The following AGFG1 variants were observed in gnomAD, a reference collection of about 807,000 sequenced individuals.
AGFG1 encodes the protein arf-GAP domain and FG repeat-containing protein 1.
A neutral mutation model predicts 60.6 loss-of-function variants in AGFG1; 10 were observed. The ratio of observed to expected loss-of-function variants is 0.16; its 90% CI spans 0.10 to 0.28. The LOEUF (loss-of-function observed/expected upper bound fraction) is 0.28, where lower values mean the gene tolerates loss of function less well. Among genes scored for constraint, AGFG1 ranks in the 10% least tolerant of loss-of-function variants. The pLI is 1.00. For synonymous variants in AGFG1, 247 were observed against 242.9 expected, an observed-to-expected ratio of 1.02 and a Z score of -0.16; for missense variants, 537 against 676.5, an observed-to-expected ratio of 0.79 and a Z score of 2.29.
At chr2:227,501,460 T>A (rs1258037390) in intron 2 of AGFG1, among the ~76,000 whole-genome samples, 1 of 152,246 alleles carries the variant, frequency 6.6e-6, no homozygotes, top group African/African-American at 2.4e-5. Context: ...AACTTAAGAA[T>A]CTTAAGTGTA....
At chr2:227,535,816 C>G (rs1575106709) in intron 8 of AGFG1, among the ~76,000 whole-genome samples, 5 of 152,198 alleles carry the variant, frequency 3.3e-5, no homozygotes, top group African/African-American at 1.2e-4. Context: ...ATATATAATA[C>G]ATGATTTATT....
At chr2:227,538,822 TATAAA>T (rs1692391081) in intron 10 of AGFG1, among the ~76,000 whole-genome samples, 1 of 152,216 alleles carries the variant, frequency 6.6e-6, no homozygotes, top group Non-Finnish European at 1.5e-5. Context: ...TATAAAATAA[TATAAA>T]ATGTACAACG....
chr2:227,553,162 A>C (rs1692872159), intron 11 of AGFG1, among the ~76,000 whole-genome samples: 1 of 152,150 alleles, frequency 6.6e-6, no homozygotes, highest in Admixed American at 6.5e-5. Context: ...GAAATTCTAT[A>C]AATTTTAGTT....
rs1690112474 is a variant in AGFG1, at chr2:227,472,291, G to A, written c.-131G>A. On this transcript the variant is annotated 5_prime_UTR_variant, in exon 1 of 13. Transcript: ENST00000310078. The stretch of plus-strand genomic sequence containing the variant: ...CAGTACAGCCAAGCCGCTGCGGCCG[G>A]GTCCGGCGCGGGCGGCGCGCGCAGA... 2 of 479,136 alleles carry A rather than the reference G, an allele frequency of 4.2e-6. No homozygotes were observed. Among genetic ancestry groups the A allele is most frequent in the Non-Finnish European group, 5.4e-6 (2 of 368,822 alleles). 29.7% of individuals were successfully genotyped at this position (479,136 alleles called of 1,614,324 possible). A position where few individuals can be genotyped will look rare whatever the true frequency, so the allele number is the denominator to read the frequency against.
intron 2 of AGFG1, among the ~76,000 whole-genome samples, chr2:227,507,623 A>AAAAAAAAG (rs1691363660): frequency 6.6e-6 from 1 of 150,442 alleles, no homozygotes; most frequent in African/African-American, 2.4e-5. Context: ...AAAAAAAAAA[A>AAAAAAAAG]AAAGCGCCTT....
chr2:227,533,769 T>G lies in AGFG1; in HGVS notation c.1024+11T>G. 6.2e-7 allele frequency: 1 copy of G among 1,609,156 alleles called. No homozygotes were observed. The highest frequency in any genetic ancestry group is 8.5e-7 in the Non-Finnish European group (1 of 1,176,494). On this transcript the variant is annotated intron_variant, in intron 7 of 12. Transcript: ENST00000310078. ...TCAGTGCCGGGCAAGGTATCAAGCT[T>G]TAAGCAAAACAAATACAAATTTGTG... is the stretch of plus-strand genomic sequence containing the variant.
chr2:227,535,145 A>G (rs1334516949), intron 8 of AGFG1, 120 bp downstream of exon 8: 2 of 1,074,774 alleles, frequency 1.9e-6, no homozygotes, highest in African/African-American at 3.3e-5. Context: ...TATTTTTGTA[A>G]ATTTGAGGAA....
At chr2:227,480,084 G>A (rs78318442) in intron 1 of AGFG1, among the ~76,000 whole-genome samples, 8,254 of 152,240 alleles carry the variant, frequency 0.054, 295 homozygotes, top group African/African-American at 0.09. Context: ...ACAAACTGGA[G>A]CATGCTCCAA....
In AGFG1 at chr2:227,561,081, A is replaced by T. The variant is rs1693124358; in HGVS notation, c.*6586A>T. On this transcript the variant is annotated 3_prime_UTR_variant, in exon 13 of 13. Coordinates refer to ENST00000310078, the MANE Select transcript of AGFG1 (RefSeq NM_004504.5). ...AGGAGGTGGTTTTAAATATTGGATG[A>T]AAACTTACAGGCTGTTTTCAATATT... is the stretch of plus-strand genomic sequence containing the variant. 6.6e-6 allele frequency: 1 copy of T among 152,202 alleles called. No homozygotes were observed. Among genetic ancestry groups the T allele is most frequent in the East Asian group, 1.9e-4 (1 of 5,202 alleles). The allele number at this position is 152,202 out of a possible 1,614,324, so 9.4% of individuals were successfully genotyped here. A position where few individuals can be genotyped will look rare whatever the true frequency, so the allele number is the denominator to read the frequency against.
chr2:227,551,430 G>A (rs923372571), intron 10 of AGFG1, among the ~76,000 whole-genome samples: 1 of 152,084 alleles, frequency 6.6e-6, no homozygotes, highest in Non-Finnish European at 1.5e-5. Context: ...AAGCTGCATA[G>A]GTTCTGAGTG....
chr2:227,472,649 C>G, intron 1 of AGFG1, 61 bp downstream of exon 1: 1 of 1,413,392 alleles, frequency 7.1e-7, no homozygotes, highest in Non-Finnish European at 9.5e-7. Flanking sequence ...GAGCGGGCGG[C>G]GGGACCGGGA....
intron 10 of AGFG1, among the ~76,000 whole-genome samples, chr2:227,537,219 T>G (rs1692340497): frequency 6.6e-6 from 1 of 152,190 alleles, no homozygotes; most frequent in African/African-American, 2.4e-5. Context: ...CCTTTCCAGT[T>G]AAAGCTTTCA....
intron 2 of AGFG1, among the ~76,000 whole-genome samples, chr2:227,514,109 C>G (rs1356339662): frequency 1.3e-5 from 2 of 152,170 alleles, no homozygotes; most frequent in Non-Finnish European, 2.9e-5. Flanking sequence ...CCTGTATTTT[C>G]CTGGTAAGAC....
At chr2:227,542,984 C>T (rs13387789) in intron 10 of AGFG1, among the ~76,000 whole-genome samples, 98,625 of 151,768 alleles carry the variant, frequency 0.65, 32,010 homozygotes, top group South Asian at 0.75. Flanking sequence ...TTTGTATTTC[C>T]GTGGGATCAG....
chr2:227,542,854 A>ATAGAC (rs1692532222), intron 10 of AGFG1, among the ~76,000 whole-genome samples: 1 of 134,144 alleles, frequency 7.5e-6, no homozygotes, highest in African/African-American at 2.9e-5. Flanking sequence ...CTATTCAGGG[A>ATAGAC]TTCAACTTCA....
At chr2:227,475,752 TATC>T (rs1690264211) in intron 1 of AGFG1, among the ~76,000 whole-genome samples, 1 of 152,206 alleles carries the variant, frequency 6.6e-6, no homozygotes, top group African/African-American at 2.4e-5. Flanking sequence ...GTTAAGAAGA[TATC>T]ATATAGCTCA....
Position 227,472,348 on chromosome 2 carries a change from G to A in AGFG1, c.-74G>A. 2 of 969,096 alleles carry A rather than the reference G, an allele frequency of 2.1e-6. No homozygotes were observed. The highest frequency in any genetic ancestry group is 2.5e-6 in the Non-Finnish European group (2 of 808,956). The allele number at this position is 969,096 out of a possible 1,614,324, so 60.0% of individuals were successfully genotyped here. A position where few individuals can be genotyped will look rare whatever the true frequency, so the allele number is the denominator to read the frequency against. ...GCGGCGGCCGCGGCCAGGGCGGCCC[G>A]TGGGACCGCGGGCCCCCGGCGCAGC... is the stretch of plus-strand genomic sequence containing the variant. On this transcript the variant is annotated 5_prime_UTR_variant, in exon 1 of 13. In the 5' UTR this introduces an upstream ATG that the reference lacks. Transcript: ENST00000310078.
chr2:227,515,566 G>T (rs1229775967), intron 2 of AGFG1, among the ~76,000 whole-genome samples: 1 of 151,828 alleles, frequency 6.6e-6, no homozygotes, highest in Non-Finnish European at 1.5e-5. Context: ...AGATTCCATG[G>T]TCTGTTAATA....
Position 227,523,754 on chromosome 2 carries a change from A to G in AGFG1, c.378-9A>G. 6.3e-7 allele frequency: 1 copy of G among 1,593,214 alleles called. No individual in the cohort carries two copies. The highest frequency in any genetic ancestry group is 8.6e-7 in the Non-Finnish European group (1 of 1,167,670). On this transcript the variant is annotated splice_polypyrimidine_tract_variant and intron_variant, in intron 3 of 12. Coordinates refer to ENST00000310078, the MANE Select transcript of AGFG1 (RefSeq NM_004504.5). ...TTTTTTTTAGTTAACTGTTTTTTACATGTTTTAGGTATGTCCCGCCAGAAC... is the reference window on the plus strand; with the variant it reads ...TTTTTTTTAGTTAACTGTTTTTTACGTGTTTTAGGTATGTCCCGCCAGAAC...
Sources: gnomAD v4.1 joint callset for allele counts (sites outside exome capture counted in the v4.1 genomes callset) on GRCh38, gnomAD v4.1.1 for gene constraint, MANE v1.5 for transcripts, NCBI Gene and HGNC (gene_info 2026-07-23, HGNC 2026-07-21) for gene names.